The following PTGER3 variants were observed in gnomAD, a reference collection of about 807,000 sequenced individuals.
PTGER3 encodes prostaglandin E2 receptor EP3 subtype.
In PTGER3, 22 loss-of-function variants were observed where a neutral mutation model predicts 34.7. That is an observed-to-expected ratio of 0.63 (90% CI 0.45 to 0.91). PTGER3 has a LOEUF of 0.91. Among genes scored for constraint, PTGER3 ranks in the 40% least tolerant of loss-of-function variants. The probability of loss-of-function intolerance (pLI) is 0.00; values close to 1 mark genes in which losing one functional copy is unlikely to be tolerated. For missense variants in PTGER3, 468 were observed against 519.4 expected (o/e 0.90, Z 0.96); for synonymous variants, 241 against 230.1 (o/e 1.05, Z -0.43).
At chr1:70,923,010 G>T (rs1418911260) in intron 4 of PTGER3, among the ~76,000 whole-genome samples, 5 of 152,234 alleles carry the variant, frequency 3.3e-5, no homozygotes, top group Admixed American at 6.5e-5. Context: ...AAGAAAAATT[G>T]TAAAGGCTTA....
chr1:70,965,114 G>A (rs1369922290), intron 2 of PTGER3, among the ~76,000 whole-genome samples: 1 of 152,178 alleles, frequency 6.6e-6, no homozygotes, highest in East Asian at 1.9e-4. Context: ...GAAAAGCACA[G>A]AGATGTGAGA....
At chr1:70,957,915 T>A (rs956877725) in intron 2 of PTGER3, among the ~76,000 whole-genome samples, 2 of 152,172 alleles carry the variant, frequency 1.3e-5, no homozygotes, top group Admixed American at 1.3e-4. Context: ...AGATTTCACA[T>A]GAGTGAGATT....
At chr1:70,921,510 T>C (rs1647522250) in intron 4 of PTGER3, among the ~76,000 whole-genome samples, 2 of 152,172 alleles carry the variant, frequency 1.3e-5, no homozygotes, top group African/African-American at 2.4e-5. Context: ...TCTGCTGTGC[T>C]TTGTGGGTCT....
chr1:71,047,758 G>C lies in PTGER3; in HGVS notation c.-181C>G. 1 of 537,602 alleles carries C rather than the reference G, an allele frequency of 1.9e-6. No individual in the cohort carries two copies. Among genetic ancestry groups the C allele is most frequent in the Non-Finnish European group, 2.8e-6 (1 of 359,860 alleles). 33.3% of individuals were successfully genotyped at this position (537,602 alleles called of 1,614,324 possible). Reference sequence around the variant, plus strand: ...GGACCGCGGCCGCGGCGGCGCCAGGGCTCACTGGCCCGGGAGGGAGCCACG... The same window carrying C: ...GGACCGCGGCCGCGGCGGCGCCAGGCCTCACTGGCCCGGGAGGGAGCCACG... On this transcript the variant is annotated 5_prime_UTR_variant, in exon 1 of 4. Transcript: ENST00000306666.
At chr1:71,010,138 C>T in intron 2 of PTGER3, 1 of 984,962 alleles carries the variant, frequency 1.0e-6, no homozygotes, top group Non-Finnish European at 1.2e-6. Flanking sequence ...AGGTTTTTTG[C>T]CTTTCTGTAT....
At chr1:70,910,082 A>G (rs944062989) in intron 4 of PTGER3, among the ~76,000 whole-genome samples, 6 of 152,250 alleles carry the variant, frequency 3.9e-5, no homozygotes, top group African/African-American at 1.4e-4. Context: ...ACTATTGCTA[A>G]TAAGTGCTGA....
At chr1:70,972,878 T>C (rs1653238545) in intron 3 of PTGER3, among the ~76,000 whole-genome samples, 1 of 152,060 alleles carries the variant, frequency 6.6e-6, no homozygotes, top group Non-Finnish European at 1.5e-5. Context: ...TACTGACTGG[T>C]GAGACTAAAG....
At chr1:70,947,078 G>A (rs1650291520) in intron 4 of PTGER3, among the ~76,000 whole-genome samples, 1 of 152,112 alleles carries the variant, frequency 6.6e-6, no homozygotes, top group South Asian at 2.1e-4. Flanking sequence ...TCTGCTCTAT[G>A]CCTTAGTTTT....
chr1:70,860,545 G>C (rs1645905248), intron 4 of PTGER3, among the ~76,000 whole-genome samples: 1 of 152,146 alleles, frequency 6.6e-6, no homozygotes, highest in Non-Finnish European at 1.5e-5. Context: ...CAAGGTTTAA[G>C]ATTAGAAGGG....
intron 4 of PTGER3, among the ~76,000 whole-genome samples, chr1:70,926,484 C>A (rs28406674): frequency 3.9e-5 from 6 of 152,120 alleles, no homozygotes; most frequent in South Asian, 2.1e-4. Flanking sequence ...CTCTGTTTGT[C>A]TGTTATTGGT....
At chr1:70,875,827 GT>G (rs1399528736) in intron 4 of PTGER3, among the ~76,000 whole-genome samples, 2 of 151,910 alleles carry the variant, frequency 1.3e-5, no homozygotes, top group Non-Finnish European at 2.9e-5. Context: ...TGTGTAATAT[GT>G]TGTATATCCA....
At chr1:70,858,908 T>C (rs544943679) in intron 4 of PTGER3, among the ~76,000 whole-genome samples, 1 of 152,384 alleles carries the variant, frequency 6.6e-6, no homozygotes, top group African/African-American at 2.4e-5. Flanking sequence ...ACTAAGGTTT[T>C]ATGGAAGTTT....
At chr1:70,987,343 T>C (rs1655021374) in intron 2 of PTGER3, among the ~76,000 whole-genome samples, 1 of 152,210 alleles carries the variant, frequency 6.6e-6, no homozygotes, top group Non-Finnish European at 1.5e-5. Context: ...TAATCAGTAA[T>C]AGGAGTCAAT....
intron 4 of PTGER3, among the ~76,000 whole-genome samples, chr1:70,877,375 G>A (rs572100085): frequency 1.3e-5 from 2 of 152,202 alleles, no homozygotes; most frequent in East Asian, 1.9e-4. Flanking sequence ...GGTTTTTTCA[G>A]GTATAGAATC....
chr1:70,916,620 T>A (rs1380587689), intron 4 of PTGER3, among the ~76,000 whole-genome samples: 1 of 151,932 alleles, frequency 6.6e-6, no homozygotes, highest in African/African-American at 2.4e-5. Flanking sequence ...CTAAGAGAAT[T>A]AACACAGGAA....
At chr1:71,017,208 A>G (rs1215814829) in intron 1 of PTGER3, among the ~76,000 whole-genome samples, 1 of 152,054 alleles carries the variant, frequency 6.6e-6, no homozygotes, top group African/African-American at 2.4e-5. Context: ...AAAATCAGAG[A>G]ACTTTTCCCA....
Position 71,047,346 on chromosome 1 carries a change from G to T in PTGER3, c.232C>A (p.Arg78=). The stretch of plus-strand genomic sequence containing the variant: ...TTCTTGCGCTTGCTCTCCCGGCGCC[G>T]GTAGCTGCGCGACACGAGCAGCATG... The part of the protein sequence containing the change: ...LAMLLVSRSY[R]RRESKRKKSF... The change falls in exon 1 of 4, where the codon CGG becomes AGG. Residue 78 remains arginine (R), a synonymous_variant. Transcript: ENST00000306666. 2 of 1,608,358 alleles carry T rather than the reference G, an allele frequency of 1.2e-6. No individual in the cohort carries two copies. Among genetic ancestry groups the T allele is most frequent in the Admixed American group, 1.7e-5 (1 of 59,202 alleles).
intron 4 of PTGER3, among the ~76,000 whole-genome samples, chr1:70,932,171 C>T (rs186653297): frequency 1.6e-4 from 24 of 152,292 alleles, no homozygotes; most frequent in Non-Finnish European, 5.9e-5. Flanking sequence ...ATCACCTTTA[C>T]TGCGGTTCCC....
intron 4 of PTGER3, among the ~76,000 whole-genome samples, chr1:70,882,618 G>T (rs960013744): frequency 6.6e-6 from 1 of 152,210 alleles, no homozygotes; most frequent in Admixed American, 6.5e-5. Context: ...CTCAAAAGTT[G>T]CCTCCACAAA....
Sources: allele counts gnomAD v4.1 joint callset (sites outside exome capture counted in the v4.1 genomes callset), GRCh38; gene constraint gnomAD v4.1.1; transcripts MANE v1.5; gene names NCBI Gene and HGNC (gene_info 2026-07-23, HGNC 2026-07-21).